Variants in CHRM3 observed in about 807,000 individuals in gnomAD.
The protein encoded by CHRM3 is cholinergic receptor muscarinic 3, also known as muscarinic acetylcholine receptor M3.
A neutral mutation model predicts 41.8 loss-of-function variants in CHRM3; 11 were observed. The observed-to-expected ratio is 0.26, with a 90% confidence interval of 0.17 to 0.44. CHRM3 has a LOEUF of 0.44. Among genes scored for constraint, CHRM3 ranks in the 20% least tolerant of loss-of-function variants. CHRM3 has a pLI of 1.00. For missense variants in CHRM3, 571 were observed against 745.4 expected, an observed-to-expected ratio of 0.77 and a Z score of 2.72; for synonymous variants, 297 against 301.4, an observed-to-expected ratio of 0.99 and a Z score of 0.15.
intron 3 of CHRM3, among the ~76,000 whole-genome samples, chr1:239,580,301 C>CACACACACACACAT (rs1553332567): frequency 1.4e-5 from 2 of 139,094 alleles, no homozygotes; most frequent in Non-Finnish European, 3.1e-5. Flanking sequence ...CACACACACA[C>CACACACACACACAT]ACACACATCA....
At chr1:239,655,909 T>C (rs1054049228) in intron 4 of CHRM3, among the ~76,000 whole-genome samples, 2 of 152,226 alleles carry the variant, frequency 1.3e-5, no homozygotes, top group Admixed American at 6.5e-5. Flanking sequence ...CTAATCCAGA[T>C]TTCCATCAAT....
At chr1:239,612,481 C>T (rs1326087368) in intron 3 of CHRM3, among the ~76,000 whole-genome samples, 2 of 152,122 alleles carry the variant, frequency 1.3e-5, no homozygotes, top group African/African-American at 2.4e-5. Flanking sequence ...GAATTGCATG[C>T]CCTCCTCTTC....
At chr1:239,733,164 G>A (rs749681573) in intron 5 of CHRM3, among the ~76,000 whole-genome samples, 7 of 151,982 alleles carry the variant, frequency 4.6e-5, no homozygotes, top group Non-Finnish European at 7.4e-5. Flanking sequence ...TTGACTAAAT[G>A]TTCCCTGAGC....
At chr1:239,664,430 T>C (rs1160258802) in intron 4 of CHRM3, among the ~76,000 whole-genome samples, 2 of 152,228 alleles carry the variant, frequency 1.3e-5, no homozygotes, top group Non-Finnish European at 2.9e-5. Context: ...TAAAATACTT[T>C]CCAAAACTTT....
chr1:239,621,317 A>T (rs1323412241), intron 3 of CHRM3, among the ~76,000 whole-genome samples: 1 of 152,148 alleles, frequency 6.6e-6, no homozygotes, highest in Non-Finnish European at 1.5e-5. Context: ...TCACAACAAT[A>T]TTGAAATTAG....
chr1:239,875,358 T>C (rs1677032546), intron 6 of CHRM3, among the ~76,000 whole-genome samples: 1 of 152,218 alleles, frequency 6.6e-6, no homozygotes, highest in Non-Finnish European at 1.5e-5. Flanking sequence ...TCGACTCTGT[T>C]GTAGTACAAA....
chr1:239,443,836 A>C (rs1663917963), intron 1 of CHRM3, among the ~76,000 whole-genome samples: 1 of 152,184 alleles, frequency 6.6e-6, no homozygotes, highest in African/African-American at 2.4e-5. Context: ...GTGAAACTTC[A>C]CTCATCAGAG....
chr1:239,689,277 GA>G (rs1206253588), intron 5 of CHRM3, among the ~76,000 whole-genome samples: 1 of 151,550 alleles, frequency 6.6e-6, no homozygotes, highest in Non-Finnish European at 1.5e-5. Context: ...TTTTTTTTCA[GA>G]GAAGGATTCT....
At chr1:239,896,303 A>G (rs911826163) in intron 6 of CHRM3, among the ~76,000 whole-genome samples, 16 of 152,108 alleles carry the variant, frequency 1.1e-4, no homozygotes, top group African/African-American at 3.6e-4. Flanking sequence ...CACCACATCA[A>G]CTCAAGCAAA....
At chr1:239,426,113 A>G (rs1662349965) in intron 1 of CHRM3, among the ~76,000 whole-genome samples, 2 of 144,610 alleles carry the variant, frequency 1.4e-5, no homozygotes, top group Admixed American at 6.9e-5. Context: ...AACATTAGGT[A>G]TATCTCCTAA....
intron 3 of CHRM3, among the ~76,000 whole-genome samples, chr1:239,618,807 G>A (rs1434247028): frequency 3.0e-5 from 4 of 135,018 alleles, no homozygotes; most frequent in Admixed American, 7.7e-5. Context: ...TCGCGCCCCT[G>A]CACTCCAGCC....
At chr1:239,588,932 T>C (rs1277101671) in intron 3 of CHRM3, among the ~76,000 whole-genome samples, 1 of 152,120 alleles carries the variant, frequency 6.6e-6, no homozygotes, top group African/African-American at 2.4e-5. Context: ...TAGTGAGTTA[T>C]GAAGCATCTT....
chr1:239,839,633 C>G (rs1239808375), intron 6 of CHRM3, among the ~76,000 whole-genome samples: 3 of 152,106 alleles, frequency 2.0e-5, no homozygotes, highest in African/African-American at 7.2e-5. Context: ...AGCAACAGTA[C>G]CATTTATCTT....
At chr1:239,799,265 AG>A (rs1178317252) in intron 5 of CHRM3, among the ~76,000 whole-genome samples, 8 of 152,108 alleles carry the variant, frequency 5.3e-5, no homozygotes, top group Non-Finnish European at 1.0e-4. Context: ...TGAGGAGTGG[AG>A]TGCACTGGAT....
chr1:239,637,288 G>T (rs919799444), intron 4 of CHRM3, among the ~76,000 whole-genome samples: 1 of 151,834 alleles, frequency 6.6e-6, no homozygotes, highest in Admixed American at 6.6e-5. Context: ...GTTTATATGC[G>T]TAGAAAATGT....
chr1:239,599,990 A>G (rs1042194750), intron 3 of CHRM3, among the ~76,000 whole-genome samples: 1 of 152,166 alleles, frequency 6.6e-6, no homozygotes, highest in Non-Finnish European at 1.5e-5. Flanking sequence ...TAAAATGCAC[A>G]TGTAAGAACT....
intron 5 of CHRM3, among the ~76,000 whole-genome samples, chr1:239,723,776 G>A (rs904420006): frequency 5.9e-5 from 9 of 151,784 alleles, no homozygotes; most frequent in South Asian, 2.1e-4. Flanking sequence ...GGGCTAATAC[G>A]TTTTAAGGCC....
At chr1:239,527,051 G>T (rs1670042613) in intron 2 of CHRM3, among the ~76,000 whole-genome samples, 1 of 152,122 alleles carries the variant, frequency 6.6e-6, no homozygotes, top group African/African-American at 2.4e-5. Context: ...TGAGCTGGGA[G>T]GAGGTCAGAG....
Position 239,908,069 on chromosome 1 carries a change from C to G in CHRM3, c.618C>G (p.Phe206Leu), listed in dbSNP as rs778872727. 2 of 1,614,198 alleles carry G rather than the reference C, an allele frequency of 1.2e-6. No individual in the cohort carries two copies. Among genetic ancestry groups the G allele is most frequent in the East Asian group, 2.2e-5 (1 of 44,860 alleles). Residue 206 changes from phenylalanine to leucine, a missense_variant, in exon 7 of 7, where the codon TTC (phenylalanine) becomes TTG (leucine). Transcript: ENST00000676153. This position sits in a 1 kb window ranked among gnomAD's most constrained non-coding sequence, Gnocchi z 7.2. ...SFVLWAPAIL[F>L]WQYFVGKRTV... Reference sequence around the variant, plus strand: ...TCCTTTGGGCTCCTGCCATCTTGTTCTGGCAATACTTTGTTGGAAAGAGAA... The same window carrying G: ...TCCTTTGGGCTCCTGCCATCTTGTTGTGGCAATACTTTGTTGGAAAGAGAA...
Sources: allele counts gnomAD v4.1 joint callset (sites outside exome capture counted in the v4.1 genomes callset), GRCh38; gene constraint gnomAD v4.1.1; non-coding constraint Gnocchi (gnomAD v3.1); transcripts MANE v1.5; gene names NCBI Gene and HGNC (gene_info 2026-07-23, HGNC 2026-07-21).